COL8A1: variants seen among roughly 807,000 people sequenced by gnomAD.
COL8A1 encodes collagen alpha-1(VIII) chain.
COL8A1 carries 21 observed loss-of-function variants against 42.7 expected under a neutral mutation model. That is an observed-to-expected ratio of 0.49 (90% CI 0.35 to 0.71). The LOEUF (loss-of-function observed/expected upper bound fraction) is 0.71. Ranked by LOEUF, COL8A1 falls within the 30% of genes least tolerant of loss-of-function variation. The pLI is 0.01. For missense variants in COL8A1, 788 were observed against 962.4 expected (o/e 0.82, Z 2.40); for synonymous variants, 367 against 369.1 (o/e 0.99, Z 0.06).
chr3:99,788,381 G>GT (rs1176603632), intron 2 of COL8A1, among the ~76,000 whole-genome samples: 2 of 152,132 alleles, frequency 1.3e-5, no homozygotes, highest in Non-Finnish European at 2.9e-5. Flanking sequence ...GATTGTCCTG[G>GT]TTTAAAGATT....
At chr3:99,745,769 AATTG>A (rs1262032246) in intron 2 of COL8A1, among the ~76,000 whole-genome samples, 1 of 152,034 alleles carries the variant, frequency 6.6e-6, no homozygotes, top group Non-Finnish European at 1.5e-5. Flanking sequence ...TTTATTCCTT[AATTG>A]ATCTCTCAGC....
chr3:99,647,072 A>G (rs1441907273), intron 1 of COL8A1, among the ~76,000 whole-genome samples: 1 of 152,226 alleles, frequency 6.6e-6, no homozygotes, highest in Non-Finnish European at 1.5e-5. Flanking sequence ...GAAACACTCA[A>G]TGAAACAATA....
At chr3:99,643,009 C>T (rs1937536914) in intron 1 of COL8A1, among the ~76,000 whole-genome samples, 1 of 152,120 alleles carries the variant, frequency 6.6e-6, no homozygotes. Context: ...AAGATAAATG[C>T]TGGAAAAGAC....
intron 2 of COL8A1, among the ~76,000 whole-genome samples, chr3:99,778,180 C>T (rs746445937): frequency 2.6e-5 from 4 of 152,156 alleles, no homozygotes; most frequent in African/African-American, 7.2e-5. Context: ...TGTTAATACT[C>T]GACTCCAATA....
chr3:99,713,680 T>C (rs1939909313), intron 1 of COL8A1, among the ~76,000 whole-genome samples: 2 of 152,120 alleles, frequency 1.3e-5, no homozygotes, highest in Non-Finnish European at 2.9e-5. Context: ...ATGAGCCCTG[T>C]TTAATCCTTC....
chr3:99,742,953 G>A (rs1044375583), intron 1 of COL8A1, among the ~76,000 whole-genome samples: 1 of 152,170 alleles, frequency 6.6e-6, no homozygotes, highest in Non-Finnish European at 1.5e-5. Flanking sequence ...AGCACCATGA[G>A]GGAAGAGTGG....
intron 1 of COL8A1, among the ~76,000 whole-genome samples, chr3:99,705,216 C>T (rs570012935): frequency 6.6e-5 from 10 of 152,270 alleles, no homozygotes; most frequent in Non-Finnish European, 1.0e-4. Context: ...TTCTGACGTA[C>T]GTCCAGGTTA....
rs116826991 is a variant in COL8A1 at position 99,668,410 on chromosome 3, G to A, written c.-129+29746G>A. ...TTGGGGATTTCTTTTAAGTAAAGTC[G>A]TCATTTTTACAAGTGAAAAATACAC... On this transcript the variant is annotated intron_variant, in intron 1 of 3. Transcript: ENST00000652472. 5.3e-3 allele frequency among the ~76,000 whole-genome samples: 810 copies of A among 151,920 alleles called. 3 individuals carry two copies. The highest frequency in any genetic ancestry group is 9.2e-3 in the Non-Finnish European group (622 of 67,914).
At chr3:99,764,803 T>G (rs576068732) in intron 2 of COL8A1, among the ~76,000 whole-genome samples, 1 of 151,758 alleles carries the variant, frequency 6.6e-6, no homozygotes, top group East Asian at 1.9e-4. Context: ...AGGCAGATTT[T>G]TCTAAGAATT....
intron 1 of COL8A1, among the ~76,000 whole-genome samples, chr3:99,705,213 G>A (rs898902779): frequency 7.2e-5 from 11 of 152,092 alleles, no homozygotes; most frequent in South Asian, 4.1e-4. Flanking sequence ...TAGTTCTGAC[G>A]TACGTCCAGG....
rs999357132 is a variant in COL8A1 at position 99,735,293 on chromosome 3, T to C, written c.-128-9604T>C. 1.6e-5 allele frequency among the ~76,000 whole-genome samples: 2 copies of C among 121,364 alleles called. 1 individual carries two copies. Among genetic ancestry groups the C allele is most frequent in the Admixed American group, 1.7e-4 (2 of 11,676 alleles). The allele number at this position is 121,364 out of a possible 152,430, so 79.6% of individuals were successfully genotyped here. A position where few individuals can be genotyped will look rare whatever the true frequency, so the allele number is the denominator to read the frequency against. Reference sequence around the variant, plus strand: ...TATGACATTGGCTGTGGGTTTGTCATAGATAGCTCTTATTATTTTGAAATA... The same window carrying C: ...TATGACATTGGCTGTGGGTTTGTCACAGATAGCTCTTATTATTTTGAAATA... On this transcript the variant is annotated intron_variant, in intron 1 of 3. Coordinates refer to ENST00000652472, the MANE Select transcript of COL8A1 (RefSeq NM_020351.4).
chr3:99,661,499 A>T (rs1402779692), intron 1 of COL8A1, among the ~76,000 whole-genome samples: 1 of 152,232 alleles, frequency 6.6e-6, no homozygotes, highest in Non-Finnish European at 1.5e-5. Flanking sequence ...GGAGAAATTG[A>T]AAACTTGTGC....
At chr3:99,653,987 T>A (rs963325819) in intron 1 of COL8A1, among the ~76,000 whole-genome samples, 1 of 151,956 alleles carries the variant, frequency 6.6e-6, no homozygotes, top group African/African-American at 2.4e-5. Context: ...CCAGTCCAAG[T>A]CCCAAAACCT....
At chr3:99,687,289 T>A (rs879575600) in intron 1 of COL8A1, among the ~76,000 whole-genome samples, 12 of 152,224 alleles carry the variant, frequency 7.9e-5, no homozygotes, top group African/African-American at 2.4e-4. Flanking sequence ...TCACTGAAAC[T>A]CTTTTAGCCC....
chr3:99,720,659 T>C (rs1005896426), intron 1 of COL8A1, among the ~76,000 whole-genome samples: 2 of 152,150 alleles, frequency 1.3e-5, no homozygotes, highest in Non-Finnish European at 2.9e-5. Flanking sequence ...TGAACCTAAA[T>C]GAAAACAATG....
intron 1 of COL8A1, among the ~76,000 whole-genome samples, chr3:99,721,638 A>G (rs1033158527): frequency 5.9e-5 from 9 of 152,126 alleles, no homozygotes; most frequent in African/African-American, 2.2e-4. Context: ...GAATGGCTTA[A>G]ATTTTATAAC....
chr3:99,657,389 A>G (rs1282094823), intron 1 of COL8A1, among the ~76,000 whole-genome samples: 1 of 152,186 alleles, frequency 6.6e-6, no homozygotes, highest in Admixed American at 6.5e-5. Context: ...TTTTGATTCT[A>G]ATTTTTAAAG....
chr3:99,723,959 C>T (rs1940230139), intron 1 of COL8A1, among the ~76,000 whole-genome samples: 1 of 152,074 alleles, frequency 6.6e-6, no homozygotes, highest in Non-Finnish European at 1.5e-5. Flanking sequence ...TACTTCTCTG[C>T]TTATACAGCT....
chr3:99,725,288 T>G (rs902656803), intron 1 of COL8A1, among the ~76,000 whole-genome samples: 1 of 152,098 alleles, frequency 6.6e-6, no homozygotes, highest in African/African-American at 2.4e-5. Context: ...AGAAAGTTCT[T>G]CTCTTAGCTT....
Sources: allele counts gnomAD v4.1 joint callset (sites outside exome capture counted in the v4.1 genomes callset), GRCh38; gene constraint gnomAD v4.1.1; transcripts MANE v1.5; gene names NCBI Gene and HGNC (gene_info 2026-07-23, HGNC 2026-07-21).